Variants in ABCC4 observed in about 807,000 individuals in gnomAD.
ABCC4 encodes the protein ATP binding cassette subfamily C member 4 (PEL blood group), also known as ATP-binding cassette sub-family C member 4.
In ABCC4, 102 loss-of-function variants were observed where a neutral mutation model predicts 168.5. The ratio of observed to expected loss-of-function variants is 0.61; its 90% CI spans 0.52 to 0.71. The LOEUF (loss-of-function observed/expected upper bound fraction) is 0.71, where lower values mean the gene tolerates loss of function less well. ABCC4 is among the 30% of genes least tolerant of loss of function. The pLI, the probability that ABCC4 is intolerant of heterozygous loss-of-function variation, is 0.00. For synonymous variants in ABCC4, 617 were observed against 590.7 expected (o/e 1.04, Z -0.65); for missense variants, 1,402 against 1,605.8 (o/e 0.87, Z 2.17).
At chr13:95,137,278 ACTT>A (rs1393809784) in intron 19 of ABCC4, among the ~76,000 whole-genome samples, 1 of 152,162 alleles carries the variant, frequency 6.6e-6, no homozygotes, top group Non-Finnish European at 1.5e-5. Context: ...GTGTATTGAG[ACTT>A]TCTTACTCAG....
chr13:95,267,337 T>A (rs2040712363), intron 1 of ABCC4, among the ~76,000 whole-genome samples: 2 of 151,936 alleles, frequency 1.3e-5, no homozygotes, highest in African/African-American at 4.8e-5. Flanking sequence ...TAAAGTGGAG[T>A]TTCCCTACAC....
intron 26 of ABCC4, among the ~76,000 whole-genome samples, chr13:95,059,555 G>C (rs1214587317): frequency 6.6e-6 from 1 of 152,174 alleles, no homozygotes; most frequent in Non-Finnish European, 1.5e-5. Flanking sequence ...CGGGGTGGGG[G>C]AAAGCCAGAA....
chr13:95,148,381 C>T (rs2036565224), intron 19 of ABCC4, among the ~76,000 whole-genome samples: 1 of 151,894 alleles, frequency 6.6e-6, no homozygotes, highest in African/African-American at 2.4e-5. Context: ...ACCATGGATC[C>T]CAAATCATAT....
At chr13:95,040,486 T>G (rs1470932278) in intron 29 of ABCC4, among the ~76,000 whole-genome samples, 3 of 152,206 alleles carry the variant, frequency 2.0e-5, no homozygotes, top group East Asian at 1.9e-4. Context: ...TCTGCCCTTC[T>G]CGGCCTCCCA....
intron 11 of ABCC4, among the ~76,000 whole-genome samples, chr13:95,185,697 T>C (rs2038035741): frequency 6.6e-6 from 1 of 150,834 alleles, no homozygotes; most frequent in African/African-American, 2.5e-5. Context: ...CCAAAGAAGG[T>C]AACATAGTAT....
chr13:95,149,644 T>C (rs1415438528), intron 19 of ABCC4, among the ~76,000 whole-genome samples: 18 of 152,224 alleles, frequency 1.2e-4, no homozygotes, highest in Admixed American at 1.2e-3. Flanking sequence ...AATCCATGAT[T>C]GTAACTATGC....
At chr13:95,095,388 A>G (rs1023522534) in intron 20 of ABCC4, among the ~76,000 whole-genome samples, 88 of 152,284 alleles carry the variant, frequency 5.8e-4, no homozygotes, top group African/African-American at 2.1e-3. Flanking sequence ...CAGCATTTGC[A>G]GTGACCTGGA....
At chr13:95,196,480 G>A (rs989622049) in intron 8 of ABCC4, among the ~76,000 whole-genome samples, 1 of 151,946 alleles carries the variant, frequency 6.6e-6, no homozygotes, top group African/African-American at 2.4e-5. Flanking sequence ...GGTATTGAGA[G>A]GTATTTAGGC....
intron 19 of ABCC4, among the ~76,000 whole-genome samples, chr13:95,127,313 T>A (rs2035814783): frequency 6.6e-6 from 1 of 152,062 alleles, no homozygotes; most frequent in South Asian, 2.1e-4. Flanking sequence ...TGAGACAGAG[T>A]CTCTCTCTGT....
At chr13:95,187,028 T>G in intron 10 of ABCC4, 136 bp from the exon 11 acceptor site, 1 of 706,054 alleles carries the variant, frequency 1.4e-6, no homozygotes. Flanking sequence ...GAAGTTGTGA[T>G]TAAAAATTGG....
chr13:95,027,166 G>T (rs558164250), intron 30 of ABCC4, among the ~76,000 whole-genome samples: 1 of 152,146 alleles, frequency 6.6e-6, no homozygotes, highest in South Asian at 2.1e-4. Context: ...AAATCAGAGG[G>T]GTAACAAAGA....
chr13:95,116,116 T>G, intron 19 of ABCC4, 115 bp from the exon 20 acceptor site: 1 of 661,594 alleles, frequency 1.5e-6, no homozygotes, highest in Non-Finnish European at 2.4e-6. Context: ...AATATATTAT[T>G]CATATGAAAT....
At chr13:95,125,508 G>A (rs2035726730) in intron 19 of ABCC4, among the ~76,000 whole-genome samples, 1 of 149,760 alleles carries the variant, frequency 6.7e-6, no homozygotes, top group Non-Finnish European at 1.5e-5. Flanking sequence ...GTTACAGGAG[G>A]CCATAACTTG....
chr13:95,224,115 C>T (rs7331366), intron 4 of ABCC4, among the ~76,000 whole-genome samples: 2,944 of 149,666 alleles, frequency 0.02, 99 homozygotes, highest in African/African-American at 0.069. Flanking sequence ...TCAGCAAACT[C>T]CGAGAAGTAT....
intron 19 of ABCC4, among the ~76,000 whole-genome samples, chr13:95,145,299 A>G (rs1314311504): frequency 1.3e-5 from 2 of 152,090 alleles, no homozygotes; most frequent in African/African-American, 2.4e-5. Flanking sequence ...TATAGACCCA[A>G]AGGAAAATAA....
At chr13:95,227,276 T>A (rs1211853716) in intron 4 of ABCC4, among the ~76,000 whole-genome samples, 4 of 152,232 alleles carry the variant, frequency 2.6e-5, no homozygotes, top group Non-Finnish European at 5.9e-5. Flanking sequence ...GAAAGTTAAC[T>A]TGGCTCCTCT....
chr13:95,257,397 G>A (rs895578614), intron 1 of ABCC4, among the ~76,000 whole-genome samples: 2 of 152,146 alleles, frequency 1.3e-5, no homozygotes, highest in Non-Finnish European at 2.9e-5. Context: ...TAGGCCGGGC[G>A]CAGCACACGC....
rs1430939668 is a variant in ABCC4, at chr13:95,234,705, G to A, written c.436C>T (p.Leu146Phe). 13 of 1,614,106 alleles carry A rather than the reference G, an allele frequency of 8.1e-6. No individual in the cohort carries two copies. Among genetic ancestry groups the A allele is most frequent in the Non-Finnish European group, 1.1e-5 (13 of 1,180,014 alleles). ...AAGTGATGCAGTATAGCCAAAATGAGCGTGCAAAAAGTCAGCACCGTGGCA... is the reference window on the plus strand; with the variant it reads ...AAGTGATGCAGTATAGCCAAAATGAACGTGCAAAAAGTCAGCACCGTGGCA... ...AYATVLTFCT[L>F]ILAILHHLYF... is the part of the protein sequence containing the mutation. The change falls in exon 4 of 31, where the codon CTC (leucine) becomes TTC (phenylalanine). Residue 146 changes from leucine (L) to phenylalanine (F), a missense_variant. Physicochemically the swap from Leu to Phe is conservative, Grantham distance 22. Coordinates refer to ENST00000645237, the MANE Select transcript of ABCC4 (RefSeq NM_005845.5).
At chr13:95,268,923 CTG>C (rs2040764045) in intron 1 of ABCC4, among the ~76,000 whole-genome samples, 1 of 152,122 alleles carries the variant, frequency 6.6e-6, no homozygotes, top group Non-Finnish European at 1.5e-5. Context: ...TACTTTGTCT[CTG>C]TGTCTCTTTC....
Sources: gnomAD v4.1 joint callset for allele counts (sites outside exome capture counted in the v4.1 genomes callset) on GRCh38, gnomAD v4.1.1 for gene constraint, MANE v1.5 for transcripts, NCBI Gene and HGNC (gene_info 2026-07-23, HGNC 2026-07-21) for gene names.